RGS7: variants seen among roughly 807,000 people sequenced by gnomAD.
The protein encoded by RGS7 is regulator of G protein signaling 7, also known as regulator of G-protein signaling 7.
RGS7 carries 27 observed loss-of-function variants against 81.1 expected under a neutral mutation model. The ratio of observed to expected loss-of-function variants is 0.33; its 90% CI spans 0.25 to 0.46. RGS7 has a LOEUF of 0.46. Ranked by LOEUF, RGS7 falls within the 20% of genes least tolerant of loss-of-function variation. The pLI, the probability that RGS7 is intolerant of heterozygous loss-of-function variation, is 1.00. For missense variants in RGS7, 396 were observed against 607.4 expected (o/e 0.65, Z 3.66); for synonymous variants, 208 against 207.7 (o/e 1.00, Z -0.01).
At chr1:241,048,408 C>A (rs1489300640) in intron 3 of RGS7, among the ~76,000 whole-genome samples, 1 of 152,162 alleles carries the variant, frequency 6.6e-6, no homozygotes, top group Non-Finnish European at 1.5e-5. Context: ...ATATCTCCCC[C>A]ACCCCTAACC....
At chr1:241,172,249 G>A (rs919940170) in intron 2 of RGS7, among the ~76,000 whole-genome samples, 3 of 152,078 alleles carry the variant, frequency 2.0e-5, no homozygotes, top group African/African-American at 7.2e-5. Flanking sequence ...CACAGCACAC[G>A]TGGCAATCTA....
intron 3 of RGS7, among the ~76,000 whole-genome samples, chr1:241,049,850 G>C (rs545124194): frequency 3.3e-4 from 51 of 152,276 alleles, no homozygotes; most frequent in African/African-American, 1.0e-3. Flanking sequence ...CATGAAATCT[G>C]TGGTAGTCAG....
chr1:241,039,323 T>G (rs2060486935), intron 3 of RGS7, among the ~76,000 whole-genome samples: 1 of 152,126 alleles, frequency 6.6e-6, no homozygotes, highest in African/African-American at 2.4e-5. Flanking sequence ...GGTAACTAAC[T>G]GGTCCTTCTG....
intron 6 of RGS7, among the ~76,000 whole-genome samples, chr1:240,896,360 C>T (rs568359904): frequency 3.3e-5 from 5 of 152,220 alleles, no homozygotes; most frequent in South Asian, 2.1e-4. Context: ...TCCTCGCCCA[C>T]GCCTATGTCC....
rs775110500 is a variant in RGS7, at chr1:241,243,111, G to A, written c.78+112588C>T. On this transcript the variant is annotated intron_variant, in intron 2 of 18. Transcript: ENST00000440928. ...GATTTCTCTCTTTATTCTCTAGAAC[G>A]TGAATTAACCAGCAGCCTGCATTTC... 4.1e-4 allele frequency among the ~76,000 whole-genome samples: 62 copies of A among 152,060 alleles called. 1 individual carries two copies. The highest frequency in any genetic ancestry group is 7.9e-4 in the Non-Finnish European group (54 of 68,024).
chr1:240,867,445 T>C (rs1663517048), intron 9 of RGS7, among the ~76,000 whole-genome samples: 1 of 152,168 alleles, frequency 6.6e-6, no homozygotes, highest in South Asian at 2.1e-4. Context: ...AGCATCAAAA[T>C]AGAAGGAAAT....
chr1:240,809,013 T>C (rs559860769), intron 14 of RGS7, among the ~76,000 whole-genome samples: 45 of 152,302 alleles, frequency 3.0e-4, no homozygotes, highest in African/African-American at 1.0e-3. Flanking sequence ...ACTGGATTAA[T>C]TGGTTTCCAT....
At chr1:241,245,965 G>A (rs938322407) in intron 2 of RGS7, among the ~76,000 whole-genome samples, 9 of 151,970 alleles carry the variant, frequency 5.9e-5, no homozygotes, top group Non-Finnish European at 8.8e-5. Flanking sequence ...TTAGCCAGGC[G>A]TGGTGGCGGG....
At chr1:241,322,547 A>G (rs144551822) in intron 2 of RGS7, among the ~76,000 whole-genome samples, 103 of 152,354 alleles carry the variant, frequency 6.8e-4, no homozygotes, top group Non-Finnish European at 1.1e-3. Flanking sequence ...TCCTACTTAC[A>G]TAAATTCAAG....
intron 2 of RGS7, among the ~76,000 whole-genome samples, chr1:241,207,754 G>T (rs1306707736): frequency 6.6e-6 from 1 of 152,104 alleles, no homozygotes; most frequent in Non-Finnish European, 1.5e-5. Flanking sequence ...CCACACGTTT[G>T]GAAGCAGTTG....
intron 16 of RGS7, among the ~76,000 whole-genome samples, chr1:240,802,433 A>C (rs1558273908): frequency 1.3e-5 from 2 of 152,182 alleles, no homozygotes; most frequent in Non-Finnish European, 2.9e-5. Context: ...TGCCAAATAA[A>C]AATATTCGGA....
chr1:241,175,784 T>C (rs979423765), intron 2 of RGS7, among the ~76,000 whole-genome samples: 1 of 152,018 alleles, frequency 6.6e-6, no homozygotes, highest in Non-Finnish European at 1.5e-5. Context: ...GCAGCAATAG[T>C]TGGAGAGGAG....
intron 2 of RGS7, among the ~76,000 whole-genome samples, chr1:241,311,501 G>C (rs2080528904): frequency 6.6e-6 from 1 of 152,210 alleles, no homozygotes; most frequent in Non-Finnish European, 1.5e-5. Context: ...AAGCTTGTGA[G>C]TTATTGGAAA....
At chr1:241,023,192 C>T (rs1471302929) in intron 3 of RGS7, among the ~76,000 whole-genome samples, 1 of 151,902 alleles carries the variant, frequency 6.6e-6, no homozygotes, top group African/African-American at 2.4e-5. Context: ...GTGTAAAATG[C>T]TGACCAAAAC....
At chr1:241,089,063 C>CTCTCTCTATATATATATATATA (rs1374552672) in intron 3 of RGS7, among the ~76,000 whole-genome samples, 1 of 23,686 alleles carries the variant, frequency 4.2e-5, no homozygotes, top group Non-Finnish European at 7.4e-5. Context: ...CTCTCTCTCT[C>CTCTCTCTATATATATATATATA]TATATATATA....
chr1:241,169,544 C>T (rs2103250415), intron 2 of RGS7, among the ~76,000 whole-genome samples: 1 of 151,958 alleles, frequency 6.6e-6, no homozygotes, highest in Admixed American at 6.6e-5. Context: ...GGGGTTTCAC[C>T]ATCTTGGCCA....
At chr1:241,152,140 C>T (rs1418520300) in intron 2 of RGS7, among the ~76,000 whole-genome samples, 2 of 108,490 alleles carry the variant, frequency 1.8e-5, no homozygotes, top group African/African-American at 6.1e-5. Flanking sequence ...CATTAGCAGC[C>T]AAAAAAAAAA....
intron 3 of RGS7, among the ~76,000 whole-genome samples, chr1:241,004,808 C>A (rs74935412): frequency 0.022 from 3,414 of 152,212 alleles, 129 homozygotes; most frequent in African/African-American, 0.078. Flanking sequence ...TCCAACAAGG[C>A]AGGTCAGATA....
intron 2 of RGS7, among the ~76,000 whole-genome samples, chr1:241,272,241 C>A (rs1384549305): frequency 6.6e-6 from 1 of 152,078 alleles, no homozygotes; most frequent in African/African-American, 2.4e-5. Flanking sequence ...GATCCACCCA[C>A]CTCGGCCTCC....
Sources: allele counts gnomAD v4.1 joint callset (sites outside exome capture counted in the v4.1 genomes callset), GRCh38; gene constraint gnomAD v4.1.1; transcripts MANE v1.5; gene names NCBI Gene and HGNC (gene_info 2026-07-23, HGNC 2026-07-21).